CTSC: variants seen among roughly 807,000 people sequenced by gnomAD.
CTSC encodes the protein dipeptidyl peptidase 1.
Under a neutral mutation model 40.9 loss-of-function variants are expected in CTSC, and 37 were observed. The observed-to-expected ratio is 0.91, with a 90% CI of 0.70 to 1.19. The LOEUF is 1.19. CTSC is among the 50% of genes most tolerant of loss of function. The probability of loss-of-function intolerance (pLI) is 0.00; values close to 1 mark genes in which losing one functional copy is unlikely to be tolerated. For synonymous variants in CTSC, 232 were observed against 207.4 expected (o/e 1.12, Z -1.02); for missense variants, 594 against 567.3 (o/e 1.05, Z -0.48).
intron 2 of CTSC, among the ~76,000 whole-genome samples, chr11:88,318,593 C>G (rs912132119): frequency 4.6e-5 from 7 of 152,154 alleles, no homozygotes; most frequent in Non-Finnish European, 7.3e-5. Flanking sequence ...ATTGTAACTC[C>G]CATATATATT....
At chr11:88,296,371 G>T (rs1245579515) in intron 5 of CTSC, 107 bp from the exon 6 acceptor site, 2 of 1,380,608 alleles carry the variant, frequency 1.4e-6, no homozygotes, top group East Asian at 2.4e-5. Context: ...ACTGAATGTT[G>T]TTGTTTATAA....
chr11:88,323,979 A>T (rs1938106570), intron 2 of CTSC: 2 of 152,156 alleles, frequency 1.3e-5, no homozygotes, highest in Admixed American at 6.5e-5. Context: ...AAAAAGAACA[A>T]ACCTGGAGGC....
intron 2 of CTSC, chr11:88,320,891 T>C: frequency 1.1e-6 from 1 of 882,352 alleles, no homozygotes; most frequent in Non-Finnish European, 1.4e-6. Context: ...ACATAGGGAA[T>C]CAAATGGTTA....
chr11:88,311,676 T>C (rs1248191201), intron 3 of CTSC, among the ~76,000 whole-genome samples: 1 of 152,220 alleles, frequency 6.6e-6, no homozygotes, highest in Non-Finnish European at 1.5e-5. Flanking sequence ...TGACTGTATT[T>C]GGAGACAGAG....
chr11:88,311,444 A>T (rs1236415603), intron 3 of CTSC, among the ~76,000 whole-genome samples: 1 of 152,210 alleles, frequency 6.6e-6, no homozygotes, highest in African/African-American at 2.4e-5. Flanking sequence ...TTGTACATGT[A>T]CATTTTTAGT....
At chr11:88,303,440 G>C (rs1222231931) in intron 4 of CTSC, among the ~76,000 whole-genome samples, 1 of 152,176 alleles carries the variant, frequency 6.6e-6, no homozygotes, top group African/African-American at 2.4e-5. Flanking sequence ...CCCTCCTTGG[G>C]TTCAATTAAT....
chr11:88,330,212 T>A (rs1280648011), intron 2 of CTSC, among the ~76,000 whole-genome samples: 1 of 152,236 alleles, frequency 6.6e-6, no homozygotes, highest in South Asian at 2.1e-4. Context: ...GCCACAGGCC[T>A]GATTACTCCT....
intron 2 of CTSC, among the ~76,000 whole-genome samples, chr11:88,319,245 T>C (rs994267400): frequency 3.9e-5 from 6 of 152,184 alleles, no homozygotes; most frequent in Non-Finnish European, 1.5e-5. Flanking sequence ...ATTACCCTAT[T>C]CTGACTTCTG....
In CTSC at chr11:88,334,982, G is replaced by A. The variant is rs562117783; in HGVS notation, c.273C>T (p.Gly91=). ...TGTAGTCATTCAACACAATCTCAAAGCCTTGGTTGTAAATGATGGTGAAAT... is the reference window on the plus strand; with the variant it reads ...TGTAGTCATTCAACACAATCTCAAAACCTTGGTTGTAAATGATGGTGAAAT... The part of the protein sequence containing the change: ...SGHFTIIYNQ[G]FEIVLNDYKW... Residue 91 remains glycine, a synonymous_variant, in exon 2 of 7, where the codon GGC becomes GGT. Coordinates refer to ENST00000227266, the MANE Select transcript of CTSC (RefSeq NM_001814.6). The A allele has an allele frequency of 6.8e-6, 11 of 1,612,022 alleles. No homozygotes were observed. The Admixed American group carries it at 1.3e-4, about 20-fold the overall frequency.
chr11:88,328,423 T>C (rs2134814507), intron 2 of CTSC, among the ~76,000 whole-genome samples: 1 of 152,292 alleles, frequency 6.6e-6, no homozygotes, highest in East Asian at 1.9e-4. Context: ...TATACCTATC[T>C]CAATAAGTCT....
chr11:88,313,494 G>C (rs1937812462), intron 2 of CTSC, among the ~76,000 whole-genome samples: 1 of 152,044 alleles, frequency 6.6e-6, no homozygotes, highest in African/African-American at 2.4e-5. Context: ...TCTTATTTCA[G>C]TGTTAGAACT....
Position 88,294,503 on chromosome 11 carries a change from C to T in CTSC, c.895G>A (p.Glu299Lys). 1.2e-6 allele frequency: 2 copies of T among 1,614,130 alleles called. No homozygotes were observed. The highest frequency in any genetic ancestry group is 1.7e-6 in the Non-Finnish European group (2 of 1,180,004). Reference sequence around the variant, plus strand: ...GCAATAAGGTATGGGAAGCCGCCTTCACAGCCTGAAGATGAATAACACACA... The same window carrying T: ...GCAATAAGGTATGGGAAGCCGCCTTTACAGCCTGAAGATGAATAACACACA... ...VSCSQYAQGC[E>K]GGFPYLIAGK... Residue 299 changes from glutamate (E) to lysine (K), a missense_variant, in exon 7 of 7, where the codon GAA becomes AAA. By Grantham distance (56) the Glu-to-Lys change is moderately conservative. Coordinates refer to ENST00000227266, the MANE Select transcript of CTSC (RefSeq NM_001814.6).
Position 88,300,533 on chromosome 11 carries a change from G to A in CTSC, c.754C>T (p.Gln252Ter). ...AAACTTAGGCTTATTTTTTTACCTT[G>A]GTTTCGAACAGGACTGACAAAATTG... is the stretch of plus-strand genomic sequence containing the variant. Reference protein sequence around the residue: ...GINFVSPVRNQASCGSCYSFA... With the variant: ...GINFVSPVRN The change falls in exon 5 of 7, where the codon CAA becomes TAA. Residue 252 changes from glutamine (Q) to a stop codon, truncating the protein, a stop_gained. Coordinates refer to ENST00000227266, the MANE Select transcript of CTSC (RefSeq NM_001814.6). LOFTEE classifies it high-confidence loss of function. 3 of 1,586,168 alleles carry A rather than the reference G, an allele frequency of 1.9e-6. No individual in the cohort carries two copies. Among genetic ancestry groups the A allele is most frequent in the Non-Finnish European group, 2.6e-6 (3 of 1,154,524 alleles).
chr11:88,336,627 T>A (rs1196556357), intron 1 of CTSC, among the ~76,000 whole-genome samples: 1 of 152,196 alleles, frequency 6.6e-6, no homozygotes, highest in Admixed American at 6.5e-5. Flanking sequence ...AACAAATGAC[T>A]TAATCTTTGT....
intron 2 of CTSC, among the ~76,000 whole-genome samples, chr11:88,320,486 C>G (rs918377489): frequency 6.6e-6 from 1 of 152,198 alleles, no homozygotes; most frequent in African/African-American, 2.4e-5. Context: ...AGAGGTGAGG[C>G]ACACCATGCA....
At chr11:88,320,664 C>CATAA (rs1018198653) in intron 2 of CTSC, 2 of 251,872 alleles carry the variant, frequency 7.9e-6, no homozygotes, top group East Asian at 1.8e-4. Flanking sequence ...AAGATTAAAA[C>CATAA]ATAAATAAAT....
chr11:88,295,822 C>A (rs554249424), intron 6 of CTSC, among the ~76,000 whole-genome samples: 1 of 152,234 alleles, frequency 6.6e-6, no homozygotes, highest in East Asian at 1.9e-4. Flanking sequence ...AGAAAAATTT[C>A]TTAGTTCCTG....
rs568715524 is a variant in CTSC at position 88,328,049 on chromosome 11, C to A, written c.318+6888G>T. On this transcript the variant is annotated intron_variant, in intron 2 of 6. Transcript: ENST00000227266. ...ATAAATAGGCATTAATTTGCATAAG[C>A]CATCAGGAAGTGAGGAAGCTTGCTT... 4.0e-6 allele frequency: 4 copies of A among 1,007,844 alleles called. No individual in the cohort carries two copies. The African/African-American group carries it at 4.7e-5, about 12-fold the overall frequency. The allele number at this position is 1,007,844 out of a possible 1,614,324, so 62.4% of individuals were successfully genotyped here. A position where few individuals can be genotyped will look rare whatever the true frequency, so the allele number is the denominator to read the frequency against.
intron 3 of CTSC, among the ~76,000 whole-genome samples, chr11:88,310,177 C>CT (rs1937720047): frequency 1.0e-5 from 1 of 97,570 alleles, no homozygotes; most frequent in East Asian, 3.7e-4. Flanking sequence ...GAATCAGAAT[C>CT]TCCTTTTTTT....
Sources: allele counts gnomAD v4.1 joint callset (sites outside exome capture counted in the v4.1 genomes callset), GRCh38; gene constraint gnomAD v4.1.1; transcripts MANE v1.5; gene names NCBI Gene and HGNC (gene_info 2026-07-23, HGNC 2026-07-21).